Variants in CNTLN observed in about 807,000 individuals in gnomAD.
The protein encoded by CNTLN is centlein, also known as centlein, centrosomal protein.
CNTLN carries 212 observed loss-of-function variants against 180.0 expected under a neutral mutation model. The observed-to-expected ratio is 1.18, with a 90% CI of 1.05 to 1.32. CNTLN has a LOEUF of 1.32. Among genes scored for constraint, CNTLN ranks in the 40% most tolerant of loss-of-function variants. The probability of loss-of-function intolerance (pLI) is 0.00; values close to 1 mark genes in which losing one functional copy is unlikely to be tolerated. For missense variants in CNTLN, 2,095 were observed against 1,610.9 expected, an observed-to-expected ratio of 1.30 and a Z score of -5.14; for synonymous variants, 722 against 563.1, an observed-to-expected ratio of 1.28 and a Z score of -3.99.
chr9:17,434,574 A>AC, intron 18 of CNTLN, among the ~76,000 whole-genome samples: 2 of 152,114 alleles, frequency 1.3e-5, no homozygotes, highest in Admixed American at 1.3e-4. Flanking sequence ...TTCCATTATG[A>AC]CCAGAGGCTA....
intron 23 of CNTLN, among the ~76,000 whole-genome samples, chr9:17,475,902 G>A (rs569305566): frequency 2.0e-5 from 3 of 149,378 alleles, no homozygotes; most frequent in East Asian, 3.9e-4. Context: ...AAGATAGGAT[G>A]TAGCTGTTCC....
intron 25 of CNTLN, among the ~76,000 whole-genome samples, chr9:17,492,273 C>T (rs972318264): frequency 6.6e-6 from 1 of 151,646 alleles, no homozygotes; most frequent in Non-Finnish European, 1.5e-5. Context: ...CTTTTTCTTT[C>T]TTTCTTTCTT....
chr9:17,353,420 T>C (rs983340945), intron 12 of CNTLN, among the ~76,000 whole-genome samples: 1 of 151,944 alleles, frequency 6.6e-6, no homozygotes, highest in African/African-American at 2.4e-5. Flanking sequence ...TGTTCTTTAT[T>C]ATCGCCAAAA....
At chr9:17,437,747 C>T (rs759847846) in intron 18 of CNTLN, among the ~76,000 whole-genome samples, 4 of 151,796 alleles carry the variant, frequency 2.6e-5, no homozygotes, top group Admixed American at 6.6e-5. Context: ...ACCTTGTCCC[C>T]GATAATAACA....
intron 18 of CNTLN, among the ~76,000 whole-genome samples, chr9:17,445,709 C>A (rs1588013211): frequency 6.6e-6 from 1 of 152,180 alleles, no homozygotes; most frequent in East Asian, 1.9e-4. Context: ...AAGGTTTCTC[C>A]CCATGTGATA....
intron 25 of CNTLN, among the ~76,000 whole-genome samples, chr9:17,496,396 G>A (rs980600831): frequency 5.3e-5 from 8 of 151,698 alleles, no homozygotes; most frequent in African/African-American, 1.7e-4. Context: ...TCTTCTCATT[G>A]TATTCTCACA....
rs1376754312 is a variant in CNTLN at position 17,366,689 on chromosome 9, G to C, written c.1959G>C (p.Leu653Phe). 1 of 1,582,150 alleles carries C rather than the reference G, an allele frequency of 6.3e-7. No homozygotes were observed. Among genetic ancestry groups the C allele is most frequent in the African/African-American group, 1.4e-5 (1 of 73,846 alleles). The change falls in exon 13 of 26, where the codon TTG becomes TTC. Residue 653 changes from leucine (L) to phenylalanine (F), a missense_variant. Physicochemically the swap from Leu to Phe is conservative, Grantham distance 22 (BLOSUM62 0). Transcript: ENST00000380647. ...ISIDKAAIQE[L>F]NRCVAERREE... ...TTGATAAGGCAGCAATACAAGAATT[G>C]AATAGATGTGTGGCAGAGAGAAGAG... is the stretch of plus-strand genomic sequence containing the variant.
intron 2 of CNTLN, among the ~76,000 whole-genome samples, chr9:17,223,902 G>T (rs80236248): frequency 1.3e-5 from 2 of 151,780 alleles, no homozygotes; most frequent in African/African-American, 4.8e-5. Flanking sequence ...GTGTACTTCC[G>T]TGCTGTTCTT....
intron 5 of CNTLN, among the ~76,000 whole-genome samples, chr9:17,263,060 A>T (rs1376784346): frequency 6.6e-6 from 1 of 151,062 alleles, no homozygotes; most frequent in Non-Finnish European, 1.5e-5. Context: ...TTATTATTAT[A>T]CTTTAAGTTT....
In CNTLN at chr9:17,135,218, C is replaced by G; in HGVS notation, c.153C>G (p.Asp51Glu). The G allele has an allele frequency of 6.2e-7, 1 of 1,610,186 alleles. No individual in the cohort carries two copies. Among genetic ancestry groups the G allele is most frequent in the Non-Finnish European group, 8.5e-7 (1 of 1,178,700 alleles). Residue 51 changes from aspartate to glutamate, a missense_variant, in exon 1 of 26, where the codon GAC becomes GAG. By Grantham distance (45) the Asp-to-Glu change is conservative (BLOSUM62 2). Coordinates refer to ENST00000380647, the MANE Select transcript of CNTLN (RefSeq NM_017738.4). ...GCGCAGCGCGGGAGGTGGTCGCGGA[C>G]GAAAGTGATAAAATCTGGGTGGGTG... Reference protein sequence around the residue: ...FAGAAREVVADESDKIWVGEE... With the variant: ...FAGAAREVVAEESDKIWVGEE...
chr9:17,259,942 A>C (rs1826826444), intron 5 of CNTLN, among the ~76,000 whole-genome samples: 1 of 136,496 alleles, frequency 7.3e-6, no homozygotes, highest in African/African-American at 3.1e-5. Flanking sequence ...GGATTCATTA[A>C]TTTTTTGAAG....
At position 17,236,412 on chromosome 9, in the gene CNTLN, A is replaced by C; in HGVS notation, c.673A>C (p.Thr225Pro). ...CCCTTGTGGTACTGTTCTACAGGAC[A>C]CTAAGGAGTGTGTACAGAACAAAGA... ...FKDKSQEIKD[T>P]KECVQNKEEQ... The change falls in exon 5 of 26, where the codon ACT becomes CCT. Residue 225 changes from threonine to proline, a missense_variant. Coordinates refer to ENST00000380647, the MANE Select transcript of CNTLN (RefSeq NM_017738.4). 6.2e-7 allele frequency: 1 copy of C among 1,602,130 alleles called. No individual in the cohort carries two copies. The highest frequency in any genetic ancestry group is 8.5e-7 in the Non-Finnish European group (1 of 1,176,018).
At chr9:17,473,597 A>C (rs1014815859) in intron 23 of CNTLN, among the ~76,000 whole-genome samples, 1 of 148,752 alleles carries the variant, frequency 6.7e-6, no homozygotes, top group African/African-American at 2.6e-5. Context: ...TTTACCAAAA[A>C]AAAAAAAAAC....
chr9:17,273,035 G>T (rs1828058243), intron 5 of CNTLN, among the ~76,000 whole-genome samples: 2 of 151,578 alleles, frequency 1.3e-5, no homozygotes, highest in Non-Finnish European at 2.9e-5. Flanking sequence ...TCTAAAACTT[G>T]GTGTTTATGT....
At position 17,486,998 on chromosome 9, in the gene CNTLN, A is replaced by C; in HGVS notation, c.4051A>C (p.Lys1351Gln). ...TATTTTTTTTCTTCAGGAAATTGAA[A>C]AAACAAAAATTGATGCTGAAAATGA... ...LDTEDQVEIE[K>Q]TKIDAENDKE... The change falls in exon 25 of 26, where the codon AAA (lysine) becomes CAA (glutamine). Residue 1351 changes from lysine (K) to glutamine (Q), a missense_variant. Physicochemically the swap from Lys to Gln is moderately conservative, Grantham distance 53. Coordinates refer to ENST00000380647, the MANE Select transcript of CNTLN (RefSeq NM_017738.4). The C allele has an allele frequency of 6.3e-7, 1 of 1,576,570 alleles. No homozygotes were observed. Among genetic ancestry groups the C allele is most frequent in the Non-Finnish European group, 8.6e-7 (1 of 1,167,644 alleles).
intron 18 of CNTLN, among the ~76,000 whole-genome samples, chr9:17,449,503 GA>G (rs199718372): frequency 0.029 from 4,047 of 139,128 alleles, 121 homozygotes; most frequent in African/African-American, 0.082. Context: ...AATAATAAAA[GA>G]AAAAAAAAAA....
chr9:17,318,311 G>A (rs1475960273), intron 8 of CNTLN, among the ~76,000 whole-genome samples: 1 of 152,082 alleles, frequency 6.6e-6, no homozygotes, highest in Admixed American at 6.5e-5. Flanking sequence ...TTACAGGCGT[G>A]AGCCACCGCG....
At position 17,241,285 on chromosome 9, in the gene CNTLN, C is replaced by T. The variant is rs1328741170; in HGVS notation, c.849+4697C>T. On this transcript the variant is annotated intron_variant, in intron 5 of 25. Coordinates refer to ENST00000380647, the MANE Select transcript of CNTLN (RefSeq NM_017738.4). ...TTTCATTCTTCTGCATATGTATATC[C>T]ATTTCCCAGCACAGTTAACTGAAGA... Among the ~76,000 whole-genome samples, 8 of 152,256 alleles carry T rather than the reference C, an allele frequency of 5.3e-5. No individual in the cohort carries two copies. The East Asian group carries it at 1.5e-3, about 29-fold the overall frequency.
intron 12 of CNTLN, among the ~76,000 whole-genome samples, chr9:17,351,103 C>G (rs1219042823): frequency 6.6e-6 from 1 of 152,106 alleles, no homozygotes. Flanking sequence ...CTCTTTAAAA[C>G]AAATTTTTTC....
Sources: allele counts gnomAD v4.1 joint callset (sites outside exome capture counted in the v4.1 genomes callset), GRCh38; gene constraint gnomAD v4.1.1; transcripts MANE v1.5; gene names NCBI Gene and HGNC (gene_info 2026-07-23, HGNC 2026-07-21).